RSRC1: variants seen among roughly 807,000 people sequenced by gnomAD.
RSRC1 encodes serine/Arginine-related protein 53.
A neutral mutation model predicts 49.1 loss-of-function variants in RSRC1; 39 were observed. The ratio of observed to expected loss-of-function variants is 0.79; its 90% CI spans 0.61 to 1.04. The LOEUF is 1.04. Ranked by LOEUF, RSRC1 falls within the 50% of genes least tolerant of loss-of-function variation. RSRC1 has a pLI of 0.00. For synonymous variants in RSRC1, 143 were observed against 130.8 expected, an observed-to-expected ratio of 1.09 and a Z score of -0.63; for missense variants, 388 against 402.4, an observed-to-expected ratio of 0.96 and a Z score of 0.31.
intron 6 of RSRC1, among the ~76,000 whole-genome samples, chr3:158,379,449 C>T (rs1407115670): frequency 2.6e-5 from 4 of 152,128 alleles, no homozygotes; most frequent in Non-Finnish European, 5.9e-5. Context: ...ATCCGCCTGC[C>T]TTGGCCTCCC....
intron 3 of RSRC1, among the ~76,000 whole-genome samples, chr3:158,196,146 C>T (rs536068492): frequency 2.1e-5 from 3 of 146,130 alleles, no homozygotes; most frequent in Admixed American, 6.9e-5. Flanking sequence ...AATGTTCTTC[C>T]ATTTGTTTGT....
At chr3:158,333,975 G>A (rs181862574) in intron 5 of RSRC1, among the ~76,000 whole-genome samples, 1 of 152,228 alleles carries the variant, frequency 6.6e-6, no homozygotes, top group East Asian at 1.9e-4. Context: ...AAAGTGGGAA[G>A]TATTATTTTA....
At chr3:158,438,267 C>T (rs1379898888) in intron 6 of RSRC1, among the ~76,000 whole-genome samples, 1 of 152,126 alleles carries the variant, frequency 6.6e-6, no homozygotes, top group Non-Finnish European at 1.5e-5. Flanking sequence ...AGATACAATG[C>T]CATCCCCATC....
chr3:158,345,859 CAT>C (rs1287289412), intron 5 of RSRC1, among the ~76,000 whole-genome samples: 1 of 147,646 alleles, frequency 6.8e-6, no homozygotes, highest in East Asian at 2.0e-4. Flanking sequence ...ATATATTTAT[CAT>C]ATATATATGG....
chr3:158,310,964 T>C (rs989228067), intron 5 of RSRC1, among the ~76,000 whole-genome samples: 1 of 151,884 alleles, frequency 6.6e-6, no homozygotes, highest in Non-Finnish European at 1.5e-5. Flanking sequence ...TTTATACTAA[T>C]CTACTCTCCT....
chr3:158,346,183 A>G (rs1347218412), intron 5 of RSRC1, among the ~76,000 whole-genome samples: 1 of 152,150 alleles, frequency 6.6e-6, no homozygotes, highest in Non-Finnish European at 1.5e-5. Context: ...ATGGTGGCTC[A>G]TGTCTGTAAT....
intron 7 of RSRC1, among the ~76,000 whole-genome samples, chr3:158,512,854 A>G (rs1163602388): frequency 1.1e-4 from 16 of 150,498 alleles, no homozygotes; most frequent in African/African-American, 2.2e-4. Context: ...TGGATTCCTA[A>G]GTATTTTATT....
At chr3:158,534,651 C>T (rs114050259) in intron 7 of RSRC1, among the ~76,000 whole-genome samples, 2,261 of 151,584 alleles carry the variant, frequency 0.015, 46 homozygotes, top group African/African-American at 0.052. Flanking sequence ...TACACATGCA[C>T]GTGGCTATTT....
chr3:158,136,334 AT>A (rs1716375687), intron 3 of RSRC1, among the ~76,000 whole-genome samples: 1 of 152,206 alleles, frequency 6.6e-6, no homozygotes. Context: ...TTATTTTGCC[AT>A]GTTACCATGC....
chr3:158,395,500 TAA>T (rs1211684980), intron 6 of RSRC1, among the ~76,000 whole-genome samples: 1 of 151,868 alleles, frequency 6.6e-6, no homozygotes, highest in African/African-American at 2.4e-5. Context: ...AACAACCCTA[TAA>T]AAAAGTGGGA....
rs769793045 is a variant in RSRC1, at chr3:158,276,357, A to T, written c.495-21682A>T. The T allele has an allele frequency of 7.8e-6, 6 of 773,236 alleles. No individual in the cohort carries two copies. The Middle Eastern group carries it at 9.4e-4, about 121-fold the overall frequency. 47.9% of individuals were successfully genotyped at this position (773,236 alleles called of 1,614,324 possible). On this transcript the variant is annotated intron_variant, in intron 4 of 9. Coordinates refer to ENST00000611884, the MANE Select transcript of RSRC1 (RefSeq NM_001271838.2). ...GTACTGCCAGCAGCAGACCCTCAGAAGAAAGCGCATGATGACATCAGGCTG... is the reference window on the plus strand; with the variant it reads ...GTACTGCCAGCAGCAGACCCTCAGATGAAAGCGCATGATGACATCAGGCTG...
intron 1 of RSRC1, among the ~76,000 whole-genome samples, chr3:158,111,748 A>T (rs1036206755): frequency 1.3e-5 from 2 of 152,196 alleles, no homozygotes; most frequent in African/African-American, 4.8e-5. Flanking sequence ...TTATAGTTTG[A>T]TATACTGAGT....
At chr3:158,131,154 T>A (rs1430328385) in intron 3 of RSRC1, among the ~76,000 whole-genome samples, 1 of 151,532 alleles carries the variant, frequency 6.6e-6, no homozygotes, top group African/African-American at 2.4e-5. Flanking sequence ...ATATATATAT[T>A]TTTATTATAC....
intron 4 of RSRC1, among the ~76,000 whole-genome samples, chr3:158,235,345 A>G (rs77698176): frequency 0.033 from 5,022 of 152,264 alleles, 98 homozygotes; most frequent in Non-Finnish European, 0.048. Flanking sequence ...ATATGATGCC[A>G]GTAGTACAAG....
chr3:158,209,051 C>T (rs78445838), intron 4 of RSRC1, among the ~76,000 whole-genome samples: 1 of 152,162 alleles, frequency 6.6e-6, no homozygotes, highest in Non-Finnish European at 1.5e-5. Flanking sequence ...TCTTAAATCA[C>T]AGTGCCATCC....
At chr3:158,188,976 C>T (rs1444868127) in intron 3 of RSRC1, among the ~76,000 whole-genome samples, 2 of 151,754 alleles carry the variant, frequency 1.3e-5, no homozygotes, top group African/African-American at 2.4e-5. Flanking sequence ...TTCCTCTGAG[C>T]TGTGCTTTAG....
chr3:158,511,205 A>G (rs1000451296), intron 7 of RSRC1, among the ~76,000 whole-genome samples: 2 of 152,006 alleles, frequency 1.3e-5, no homozygotes, highest in African/African-American at 4.8e-5. Context: ...CACTGCACCC[A>G]CTAACTCGTC....
intron 6 of RSRC1, among the ~76,000 whole-genome samples, chr3:158,411,925 C>A (rs951793445): frequency 1.3e-5 from 2 of 151,968 alleles, no homozygotes; most frequent in African/African-American, 2.4e-5. Context: ...ACCTACTTAC[C>A]TTTTTCTCAT....
intron 3 of RSRC1, among the ~76,000 whole-genome samples, chr3:158,131,741 T>G (rs1716038982): frequency 6.6e-6 from 1 of 152,180 alleles, no homozygotes; most frequent in East Asian, 1.9e-4. Flanking sequence ...TTCTTGAAAC[T>G]GTACACCTGT....
Sources: gnomAD v4.1 joint callset for allele counts (sites outside exome capture counted in the v4.1 genomes callset) on GRCh38, gnomAD v4.1.1 for gene constraint, MANE v1.5 for transcripts, NCBI Gene and HGNC (gene_info 2026-07-23, HGNC 2026-07-21) for gene names.